STARD13: variants seen among roughly 807,000 people sequenced by gnomAD.
The protein encoded by STARD13 is stAR-related lipid transfer protein 13.
Under a neutral mutation model 106.4 loss-of-function variants are expected in STARD13, and 62 were observed. That is an observed-to-expected ratio of 0.58 (90% confidence interval 0.48 to 0.72). STARD13 has a LOEUF of 0.72. Ranked by LOEUF, STARD13 falls within the 30% of genes least tolerant of loss-of-function variation. STARD13 has a pLI of 0.00. For missense variants in STARD13, 1,387 were observed against 1,424.0 expected (o/e 0.97, Z 0.42); for synonymous variants, 565 against 553.0 (o/e 1.02, Z -0.31).
chr13:33,567,554 G>T, the STARD13 span, among the ~76,000 whole-genome samples: 1 of 147,926 alleles, frequency 6.8e-6, no homozygotes, highest in Non-Finnish European at 1.5e-5. Context: ...GATAAAACTT[G>T]ATATGGGCAA....
the STARD13 span, among the ~76,000 whole-genome samples, chr13:33,365,089 T>G: frequency 1.7e-5 from 1 of 58,020 alleles, no homozygotes; most frequent in Non-Finnish European, 4.0e-5. Flanking sequence ...GCTGGGCACC[T>G]TCCACACATG....
At chr13:33,401,885 C>T in the STARD13 span, among the ~76,000 whole-genome samples, 1 of 152,084 alleles carries the variant, frequency 6.6e-6, no homozygotes, top group Non-Finnish European at 1.5e-5. Flanking sequence ...CCATTTGTTC[C>T]AACACATCAA....
chr13:33,501,017 A>G, the STARD13 span, among the ~76,000 whole-genome samples: 1 of 150,250 alleles, frequency 6.7e-6, no homozygotes, highest in Non-Finnish European at 1.5e-5. Flanking sequence ...CTTAAAAAAA[A>G]AAACCTAAAA....
the STARD13 span, among the ~76,000 whole-genome samples, chr13:33,597,636 G>A: frequency 0.025 from 3,787 of 151,506 alleles, 105 homozygotes; most frequent in African/African-American, 0.064. Context: ...ACCTGAGGTC[G>A]GGAGTTCCAG....
At chr13:33,643,836 C>T in the STARD13 span, among the ~76,000 whole-genome samples, 1 of 152,210 alleles carries the variant, frequency 6.6e-6, no homozygotes, top group Non-Finnish European at 1.5e-5. Flanking sequence ...TCTCCATGCC[C>T]TCCTTGCTTC....
chr13:33,487,170 G>T, the STARD13 span, among the ~76,000 whole-genome samples: 11 of 152,188 alleles, frequency 7.2e-5, no homozygotes, highest in Non-Finnish European at 1.3e-4. Context: ...AAGTTGTGAA[G>T]ATCAAATGAA....
intron 8 of STARD13, 168 bp from the exon 9 acceptor site, chr13:33,113,099 G>T: frequency 1.8e-6 from 1 of 561,428 alleles, no homozygotes; most frequent in Non-Finnish European, 3.1e-6. Context: ...AATTGCTGAG[G>T]CCTCGCAGCT....
At chr13:33,492,662 C>T in the STARD13 span, among the ~76,000 whole-genome samples, 1 of 152,150 alleles carries the variant, frequency 6.6e-6, no homozygotes, top group Non-Finnish European at 1.5e-5. Flanking sequence ...TCTATATGAT[C>T]TAAAAAGGGG....
At chr13:33,576,785 C>T in the STARD13 span, among the ~76,000 whole-genome samples, 1 of 152,128 alleles carries the variant, frequency 6.6e-6, no homozygotes. Flanking sequence ...TTTAATTAGA[C>T]ATTTTAAAAC....
the STARD13 span, among the ~76,000 whole-genome samples, chr13:33,495,583 A>G: frequency 6.6e-6 from 1 of 151,990 alleles, no homozygotes; most frequent in East Asian, 1.9e-4. Context: ...AATCTTCTAA[A>G]CAGGATGGAA....
At chr13:33,122,431 G>C (rs2138125655) in intron 7 of STARD13, among the ~76,000 whole-genome samples, 1 of 152,300 alleles carries the variant, frequency 6.6e-6, no homozygotes. Context: ...CCATCACACA[G>C]GGTCTCACAC....
chr13:33,443,045 A>G, the STARD13 span, among the ~76,000 whole-genome samples: 1,963 of 152,222 alleles, frequency 0.013, 38 homozygotes, highest in African/African-American at 0.045. Flanking sequence ...TTGCATAACA[A>G]TCTGAATGTT....
chr13:33,459,715 A>T, the STARD13 span, among the ~76,000 whole-genome samples: 2 of 152,166 alleles, frequency 1.3e-5, no homozygotes, highest in Admixed American at 1.3e-4. Flanking sequence ...TGCCTAAAGG[A>T]CTTCCTTTAA....
chr13:33,127,989 AAAG>A (rs1877492727), intron 5 of STARD13, among the ~76,000 whole-genome samples: 1 of 132,842 alleles, frequency 7.5e-6, no homozygotes, highest in Non-Finnish European at 1.7e-5. Flanking sequence ...GAGAGATAGA[AAAG>A]AGAGAGACAG....
chr13:33,635,783 G>C, the STARD13 span, among the ~76,000 whole-genome samples: 1 of 150,860 alleles, frequency 6.6e-6, no homozygotes, highest in Non-Finnish European at 1.5e-5. Context: ...AGGAGTTCAA[G>C]ACCAGCCTGG....
chr13:33,260,556 C>G (rs1158836079), intron 1 of STARD13, among the ~76,000 whole-genome samples: 5 of 152,176 alleles, frequency 3.3e-5, no homozygotes, highest in Non-Finnish European at 7.3e-5. Flanking sequence ...CAAAGCATGG[C>G]AGACACTTTC....
At chr13:33,330,338 T>G (rs1594270978) in intron 1 of STARD13, among the ~76,000 whole-genome samples, 2 of 152,366 alleles carry the variant, frequency 1.3e-5, no homozygotes, top group South Asian at 4.1e-4. Context: ...ATTTACCTGA[T>G]AATTACAGAT....
At chr13:33,118,362 CCAAT>C in intron 7 of STARD13, 99 bp from the exon 8 acceptor site, 1 of 948,970 alleles carries the variant, frequency 1.1e-6, no homozygotes, top group Admixed American at 1.7e-5. Context: ...GAATTGCCTC[CCAAT>C]TAGTACATGC....
intron 1 of STARD13, among the ~76,000 whole-genome samples, chr13:33,180,899 G>C (rs1885165098): frequency 6.6e-6 from 1 of 152,040 alleles, no homozygotes; most frequent in Non-Finnish European, 1.5e-5. Flanking sequence ...CTAAAATAAG[G>C]AACAAGTAAA....
Sources: gnomAD v4.1 joint callset for allele counts (sites outside exome capture counted in the v4.1 genomes callset) on GRCh38, gnomAD v4.1.1 for gene constraint, MANE v1.5 for transcripts, NCBI Gene and HGNC (gene_info 2026-07-23, HGNC 2026-07-21) for gene names.